The following AK5 variants were observed in gnomAD, a reference collection of about 807,000 sequenced individuals.
AK5 encodes adenylate kinase isoenzyme 5.
In AK5, 27 loss-of-function variants were observed where a neutral mutation model predicts 69.5. The observed-to-expected ratio is 0.39, with a 90% CI of 0.29 to 0.54. The LOEUF (loss-of-function observed/expected upper bound fraction) is 0.54. AK5 is among the 20% of genes least tolerant of loss of function. AK5 has a pLI of 0.71. For synonymous variants in AK5, 260 were observed against 244.4 expected (o/e 1.06, Z -0.60); for missense variants, 531 against 700.4 (o/e 0.76, Z 2.73).
chr1:77,550,363 G>A (rs1300440159), intron 13 of AK5, among the ~76,000 whole-genome samples: 5 of 152,160 alleles, frequency 3.3e-5, no homozygotes, highest in South Asian at 2.1e-4. Context: ...TCGGAGAAAG[G>A]TCACGATGAA....
chr1:77,454,385 C>G (rs1291622702), intron 8 of AK5, among the ~76,000 whole-genome samples: 12 of 151,696 alleles, frequency 7.9e-5, no homozygotes, highest in Admixed American at 7.9e-4. Context: ...CCTAGCCATT[C>G]TCTCTCTCTC....
At chr1:77,460,532 C>T (rs1482950841) in intron 8 of AK5, among the ~76,000 whole-genome samples, 1 of 152,114 alleles carries the variant, frequency 6.6e-6, no homozygotes, top group Non-Finnish European at 1.5e-5. Context: ...CTCTATATTT[C>T]AAATTCGTTT....
chr1:77,483,633 C>T (rs1329152611), intron 9 of AK5, among the ~76,000 whole-genome samples: 1 of 152,146 alleles, frequency 6.6e-6, no homozygotes, highest in Non-Finnish European at 1.5e-5. Flanking sequence ...ACTCAAATAT[C>T]TTTGAAACAT....
At chr1:77,358,859 A>G (rs1359101266) in intron 6 of AK5, among the ~76,000 whole-genome samples, 1 of 151,716 alleles carries the variant, frequency 6.6e-6, no homozygotes, top group Non-Finnish European at 1.5e-5. Context: ...TTGTAAATTC[A>G]GATTATTTAT....
At chr1:77,512,167 A>ACTT (rs1657385307) in intron 10 of AK5, among the ~76,000 whole-genome samples, 1 of 152,186 alleles carries the variant, frequency 6.6e-6, no homozygotes, top group Non-Finnish European at 1.5e-5. Context: ...ACTTAGAGAA[A>ACTT]ATAAACGTTG....
At chr1:77,298,102 TTCTTTGGCA>T (rs1659116319) in intron 5 of AK5, 155 bp downstream of exon 5, 1 of 435,336 alleles carries the variant, frequency 2.3e-6, no homozygotes, top group African/African-American at 2.0e-5. Context: ...AGAAGGTCAT[TTCTTTGGCA>T]AACACTTAAA....
At chr1:77,362,629 A>T (rs749705702) in intron 6 of AK5, among the ~76,000 whole-genome samples, 1 of 152,218 alleles carries the variant, frequency 6.6e-6, no homozygotes, top group African/African-American at 2.4e-5. Flanking sequence ...AACTTTCTCT[A>T]AGCAGGACAT....
At chr1:77,432,028 T>C (rs11162341) in intron 8 of AK5, among the ~76,000 whole-genome samples, 16,577 of 152,212 alleles carry the variant, frequency 0.11, 1,019 homozygotes, top group South Asian at 0.17. Context: ...GGTAGTTTTG[T>C]TATCAAGAAC....
intron 6 of AK5, among the ~76,000 whole-genome samples, chr1:77,345,677 ATTGT>A (rs1661879433): frequency 6.6e-6 from 1 of 152,170 alleles, no homozygotes; most frequent in South Asian, 2.1e-4. Context: ...AAACTACACC[ATTGT>A]TTATTACCAG....
intron 10 of AK5, among the ~76,000 whole-genome samples, chr1:77,506,185 G>A (rs1021470327): frequency 6.6e-6 from 1 of 152,076 alleles, no homozygotes; most frequent in Admixed American, 6.6e-5. Context: ...AGGCGCTGGA[G>A]ACCTCTGGGT....
intron 10 of AK5, among the ~76,000 whole-genome samples, chr1:77,498,639 A>G (rs1289677834): frequency 6.6e-6 from 1 of 152,158 alleles, no homozygotes; most frequent in Admixed American, 6.5e-5. Context: ...ATGAGTTAGC[A>G]CATGCAGCAG....
Position 77,318,757 on chromosome 1 carries a change from C to T in AK5, c.699+20810C>T, listed in dbSNP as rs1660373525. ...TTGTCCAGTCTCCCCTTCTCTTGGA[C>T]ATCTTCCTTTAGGACCCTAAGAGTT... On this transcript the variant is annotated intron_variant, in intron 5 of 13. Coordinates refer to ENST00000354567, the MANE Select transcript of AK5 (RefSeq NM_174858.3). Among the ~76,000 whole-genome samples, 3 of 151,796 alleles carry T rather than the reference C, an allele frequency of 2.0e-5. No individual in the cohort carries two copies. In the South Asian group the frequency reaches 6.2e-4, roughly 32 times the overall value.
intron 2 of AK5, among the ~76,000 whole-genome samples, chr1:77,288,842 C>A (rs1408271954): frequency 6.6e-6 from 1 of 152,038 alleles, no homozygotes; most frequent in Non-Finnish European, 1.5e-5. Flanking sequence ...GCAATTAATC[C>A]CATTAACCTA....
Position 77,558,626 on chromosome 1 carries a change from G to A in AK5, c.1645G>A (p.Asp549Asn). The change falls in exon 14 of 14, where the codon GAC becomes AAC. Residue 549 changes from aspartate to asparagine, a missense_variant. By Grantham distance (23) the Asp-to-Asn change is conservative (BLOSUM62 1). Transcript: ENST00000354567. ...HKINAEGTPE[D>N]VFLQLCTAID... ...GATAAATGCAGAGGGAACACCAGAG[G>A]ACGTTTTTCTTCAACTCTGCACAGC... 1 of 1,601,448 alleles carries A rather than the reference G, an allele frequency of 6.2e-7. No individual in the cohort carries two copies.
chr1:77,303,062 C>G (rs1428646086), intron 5 of AK5, among the ~76,000 whole-genome samples: 1 of 152,152 alleles, frequency 6.6e-6, no homozygotes, highest in African/African-American at 2.4e-5. Flanking sequence ...GAGTAAATCC[C>G]AGGTGCTATA....
chr1:77,465,863 C>A (rs764316958), intron 8 of AK5, among the ~76,000 whole-genome samples: 1 of 152,100 alleles, frequency 6.6e-6, no homozygotes, highest in Non-Finnish European at 1.5e-5. Context: ...AAAATTCTTG[C>A]GATCATCTCA....
At chr1:77,527,919 C>T (rs546566099) in intron 12 of AK5, among the ~76,000 whole-genome samples, 41 of 152,290 alleles carry the variant, frequency 2.7e-4, no homozygotes, top group African/African-American at 8.4e-4. Flanking sequence ...ATTAGCGGGA[C>T]GTGGTGGCAC....
chr1:77,544,185 T>G (rs949396718), intron 13 of AK5, among the ~76,000 whole-genome samples: 1 of 152,156 alleles, frequency 6.6e-6, no homozygotes, highest in African/African-American at 2.4e-5. Flanking sequence ...AATAAAAAAT[T>G]TCAGTGGTAA....
intron 6 of AK5, among the ~76,000 whole-genome samples, chr1:77,401,185 C>T (rs945747526): frequency 1.3e-5 from 2 of 152,132 alleles, no homozygotes; most frequent in Admixed American, 1.3e-4. Flanking sequence ...CTCCAGGAGC[C>T]ATGAGTTTTT....
Sources: gnomAD v4.1 joint callset for allele counts (sites outside exome capture counted in the v4.1 genomes callset) on GRCh38, gnomAD v4.1.1 for gene constraint, MANE v1.5 for transcripts, NCBI Gene and HGNC (gene_info 2026-07-23, HGNC 2026-07-21) for gene names.